PTPRM: variants seen among roughly 807,000 people sequenced by gnomAD.
PTPRM encodes the protein receptor-type tyrosine-protein phosphatase mu.
PTPRM carries 47 observed loss-of-function variants against 186.7 expected under a neutral mutation model. That is an observed-to-expected ratio of 0.25 (90% CI 0.20 to 0.32). The LOEUF is 0.32. Ranked by LOEUF, PTPRM falls within the 10% of genes least tolerant of loss-of-function variation. The pLI, the probability that PTPRM is intolerant of heterozygous loss-of-function variation, is 1.00. For missense variants in PTPRM, 1,494 were observed against 1,865.0 expected, an observed-to-expected ratio of 0.80 and a Z score of 3.66; for synonymous variants, 668 against 674.9, an observed-to-expected ratio of 0.99 and a Z score of 0.16.
chr18:8,123,565 C>G (rs1323505056), intron 13 of PTPRM, among the ~76,000 whole-genome samples: 3 of 152,142 alleles, frequency 2.0e-5, no homozygotes. Flanking sequence ...AGTTCTGTTG[C>G]CCTTGCCTGC....
intron 3 of PTPRM, among the ~76,000 whole-genome samples, chr18:7,889,496 G>A (rs191368022): frequency 4.0e-5 from 6 of 151,622 alleles, no homozygotes; most frequent in African/African-American, 1.2e-4. Flanking sequence ...GCCACCTGTC[G>A]GGCTAATTTT....
At chr18:8,394,681 T>C in intron 32 of PTPRM, 70 bp downstream of exon 32, 1 of 1,437,888 alleles carries the variant, frequency 7.0e-7, no homozygotes, top group South Asian at 1.5e-5. Context: ...AGCTCCCAGA[T>C]TTGCAGGGAA....
At chr18:8,092,435 A>G (rs1600517123) in intron 11 of PTPRM, among the ~76,000 whole-genome samples, 1 of 151,934 alleles carries the variant, frequency 6.6e-6, no homozygotes, top group Admixed American at 6.6e-5. Context: ...TTTTTTTGAG[A>G]CAGGTTCTCA....
chr18:8,321,280 T>C (rs780188841), intron 22 of PTPRM, among the ~76,000 whole-genome samples: 10 of 152,138 alleles, frequency 6.6e-5, no homozygotes, highest in Non-Finnish European at 1.3e-4. Context: ...AACAAGAACA[T>C]TAAGTTGCTC....
At chr18:7,895,607 C>T (rs1326206993) in intron 3 of PTPRM, among the ~76,000 whole-genome samples, 6 of 152,112 alleles carry the variant, frequency 3.9e-5, no homozygotes, top group Non-Finnish European at 7.4e-5. Context: ...ATTCAGGGAC[C>T]GCTGTGTTGG....
intron 3 of PTPRM, among the ~76,000 whole-genome samples, chr18:7,904,091 G>A (rs1053191767): frequency 6.6e-6 from 1 of 152,100 alleles, no homozygotes; most frequent in Non-Finnish European, 1.5e-5. Context: ...TTCCTAGTGT[G>A]TGTAACATAT....
At chr18:8,279,845 G>T (rs919182054) in intron 19 of PTPRM, among the ~76,000 whole-genome samples, 47 of 152,098 alleles carry the variant, frequency 3.1e-4, no homozygotes, top group Non-Finnish European at 5.1e-4. Flanking sequence ...TTTCTGCTTC[G>T]TTTACTCCAA....
intron 23 of PTPRM, among the ~76,000 whole-genome samples, chr18:8,355,309 G>A (rs1313481033): frequency 6.6e-6 from 1 of 152,158 alleles, no homozygotes; most frequent in Non-Finnish European, 1.5e-5. Context: ...CTCAGAACAA[G>A]GGGTGCCTGG....
intron 19 of PTPRM, among the ~76,000 whole-genome samples, chr18:8,262,750 G>GCAATATAT (rs1432001654): frequency 1.3e-5 from 2 of 152,142 alleles, no homozygotes; most frequent in Admixed American, 6.5e-5. Context: ...AATATAGTAG[G>GCAATATAT]CAATATATTA....
At position 8,011,386 on chromosome 18, in the gene PTPRM, A is replaced by C. The variant is rs116965610; in HGVS notation, c.1132+55972A>C. 3.2e-4 allele frequency among the ~76,000 whole-genome samples: 49 copies of C among 152,240 alleles called. 1 individual carries two copies. In the South Asian group the frequency reaches 6.2e-3, roughly 19 times the overall value. On this transcript the variant is annotated intron_variant, in intron 7 of 32. Transcript: ENST00000580170. ...GGACTGATGGGCACACTTTCTGATG[A>C]TCATTCTTCACAGCCATCAATCTCT...
At chr18:7,812,295 A>G (rs1167394808) in intron 2 of PTPRM, among the ~76,000 whole-genome samples, 1 of 152,206 alleles carries the variant, frequency 6.6e-6, no homozygotes, top group Non-Finnish European at 1.5e-5. Context: ...TGATGAGGCC[A>G]TAGATTCTCT....
At chr18:8,195,769 AAATTCC>A (rs2093769807) in intron 14 of PTPRM, among the ~76,000 whole-genome samples, 1 of 152,126 alleles carries the variant, frequency 6.6e-6, no homozygotes, top group African/African-American at 2.4e-5. Flanking sequence ...GGTGAAGAAG[AAATTCC>A]TTAATGGGTA....
At chr18:8,073,637 T>C (rs1600405896) in intron 8 of PTPRM, among the ~76,000 whole-genome samples, 2 of 152,334 alleles carry the variant, frequency 1.3e-5, no homozygotes, top group South Asian at 4.1e-4. Flanking sequence ...GTATAGTAAC[T>C]CATGCCTATA....
chr18:7,698,521 AAGT>A (rs1182330833), intron 1 of PTPRM, among the ~76,000 whole-genome samples: 1 of 152,222 alleles, frequency 6.6e-6, no homozygotes, highest in Non-Finnish European at 1.5e-5. Context: ...TTACCTCATT[AAGT>A]ACAAAATATT....
intron 2 of PTPRM, among the ~76,000 whole-genome samples, chr18:7,782,984 A>G (rs1321375114): frequency 6.6e-6 from 1 of 152,184 alleles, no homozygotes; most frequent in African/African-American, 2.4e-5. Flanking sequence ...TGTTTTAAAT[A>G]TTTGCTAAAA....
intron 2 of PTPRM, among the ~76,000 whole-genome samples, chr18:7,867,062 C>G (rs571460419): frequency 3.3e-5 from 5 of 152,262 alleles, no homozygotes; most frequent in Non-Finnish European, 7.4e-5. Flanking sequence ...AAATATTCCT[C>G]CATCCCTTTA....
chr18:8,102,049 T>G (rs1177095598), intron 11 of PTPRM, among the ~76,000 whole-genome samples: 1 of 152,192 alleles, frequency 6.6e-6, no homozygotes, highest in Admixed American at 6.5e-5. Context: ...AAAAGTTATG[T>G]TTATATTATA....
intron 1 of PTPRM, among the ~76,000 whole-genome samples, chr18:7,662,482 C>T (rs1202491679): frequency 1.3e-5 from 2 of 152,042 alleles, no homozygotes; most frequent in South Asian, 2.1e-4. Flanking sequence ...ACTTAACATG[C>T]TCTCACTTAT....
At chr18:7,643,318 A>G (rs1158203672) in intron 1 of PTPRM, among the ~76,000 whole-genome samples, 1 of 152,082 alleles carries the variant, frequency 6.6e-6, no homozygotes, top group Non-Finnish European at 1.5e-5. Flanking sequence ...CAAAAGGTAC[A>G]TTCCTTTATT....
Sources: allele counts gnomAD v4.1 joint callset (sites outside exome capture counted in the v4.1 genomes callset), GRCh38; gene constraint gnomAD v4.1.1; transcripts MANE v1.5; gene names NCBI Gene and HGNC (gene_info 2026-07-23, HGNC 2026-07-21).